PTHLH: variants seen among roughly 807,000 people sequenced by gnomAD.
PTHLH encodes parathyroid hormone like hormone.
In PTHLH, 5 loss-of-function variants were observed where a neutral mutation model predicts 18.6. That is an observed-to-expected ratio of 0.27 (90% CI 0.14 to 0.56). The LOEUF (loss-of-function observed/expected upper bound fraction) is 0.56, where lower values mean the gene tolerates loss of function less well. Among genes scored for constraint, PTHLH ranks in the 20% least tolerant of loss-of-function variants. PTHLH has a pLI of 0.92. For missense variants in PTHLH, 207 were observed against 223.9 expected (o/e 0.92, Z 0.48); for synonymous variants, 90 against 94.0 (o/e 0.96, Z 0.25).
At chr12:27,971,814 C>CA (rs1371987737) in intron 2 of PTHLH, 113 bp downstream of exon 2, 3 of 152,070 alleles carry the variant, frequency 2.0e-5, no homozygotes, top group Non-Finnish European at 4.4e-5. Flanking sequence ...CACACACACA[C>CA]ACTCTCTCTC....
chr12:27,960,434 G>A (rs932136126), intron 5 of PTHLH, among the ~76,000 whole-genome samples: 1 of 152,060 alleles, frequency 6.6e-6, no homozygotes, highest in African/African-American at 2.4e-5. Context: ...CTAAAAGAAT[G>A]CTGTATTATT....
chr12:27,967,879 G>T (rs1357978652), intron 4 of PTHLH, among the ~76,000 whole-genome samples: 2 of 152,212 alleles, frequency 1.3e-5, no homozygotes, highest in African/African-American at 4.8e-5. Context: ...GTATTTTTAT[G>T]CCATAGTTGT....
At chr12:27,969,646 GA>G (rs778706343) in intron 3 of PTHLH, 130 bp from the exon 4 acceptor site, 5 of 883,510 alleles carry the variant, frequency 5.7e-6, no homozygotes, top group Non-Finnish European at 9.4e-6. Flanking sequence ...AAGTTGAAAA[GA>G]AAAAAAATTT....
Position 27,964,120 on chromosome 12 carries a change from C to A in PTHLH, c.102-350G>T, listed in dbSNP as rs369796381. Among the ~76,000 whole-genome samples, 3 of 152,088 alleles carry A rather than the reference C, an allele frequency of 2.0e-5. No homozygotes were observed. The South Asian group carries it at 6.2e-4, about 32-fold the overall frequency. On this transcript the variant is annotated intron_variant, in intron 4 of 5. Coordinates refer to ENST00000545234, the MANE Select transcript of PTHLH (RefSeq NM_198965.2). ...TTAAAACATATGATTCAGTTATGAT[C>A]AGAAATAGACAGAAACCACGGAGTA... is the stretch of plus-strand genomic sequence containing the variant.
intron 3 of PTHLH, 122 bp from the exon 4 acceptor site, chr12:27,969,638 G>A (rs370291902): frequency 8.5e-5 from 79 of 932,398 alleles, no homozygotes; most frequent in Non-Finnish European, 1.4e-4. Context: ...CATCTCCCAA[G>A]TTGAAAAGAA....
Position 27,958,501 on chromosome 12 carries a change from A to C in PTHLH, c.*58T>G. On this transcript the variant is annotated 3_prime_UTR_variant, in exon 6 of 6. Coordinates refer to ENST00000545234, the MANE Select transcript of PTHLH (RefSeq NM_198965.2). ...ACAATAAATATTTCTAATACTTTCC[A>C]TATGTTCACTATTACAGAATCCTGC... The C allele has an allele frequency of 6.8e-7, 1 of 1,470,726 alleles. No individual in the cohort carries two copies. Among genetic ancestry groups the C allele is most frequent in the Non-Finnish European group, 9.2e-7 (1 of 1,081,806 alleles). 91.1% of individuals were successfully genotyped at this position (1,470,726 alleles called of 1,614,324 possible).
intron 3 of PTHLH, 164 bp from the exon 4 acceptor site, chr12:27,969,680 C>T (rs376151156): frequency 1.3e-6 from 1 of 770,282 alleles, no homozygotes; most frequent in Non-Finnish European, 2.4e-6. Flanking sequence ...TCAGCACTTA[C>T]TTATTTAGCA....
chr12:27,960,738 A>G (rs1284509799), intron 5 of PTHLH, among the ~76,000 whole-genome samples: 2 of 149,754 alleles, frequency 1.3e-5, no homozygotes, highest in Non-Finnish European at 1.5e-5. Flanking sequence ...AAAAAAAAAG[A>G]ATATTGTTTT....
chr12:27,970,408 C>G (rs1291193339), intron 2 of PTHLH, 141 bp from the exon 3 acceptor site: 1 of 148,636 alleles, frequency 6.7e-6, no homozygotes, highest in Admixed American at 6.7e-5. Flanking sequence ...CCGCGCCGCC[C>G]GAGCGAGTGG....
chr12:27,970,651 C>T (rs978441807), intron 2 of PTHLH, among the ~76,000 whole-genome samples: 2 of 152,016 alleles, frequency 1.3e-5, no homozygotes, highest in African/African-American at 4.8e-5. Context: ...CGGACTGCCC[C>T]GGGCAGCCGG....
chr12:27,965,734 T>A (rs78019795), intron 4 of PTHLH, among the ~76,000 whole-genome samples: 3,770 of 152,328 alleles, frequency 0.025, 149 homozygotes, highest in African/African-American at 0.086. Flanking sequence ...TAAAATTCAC[T>A]TACTCTGCGG....
chr12:27,966,449 G>C (rs2120651850), intron 4 of PTHLH, among the ~76,000 whole-genome samples: 1 of 152,290 alleles, frequency 6.6e-6, no homozygotes, highest in South Asian at 2.1e-4. Context: ...TCTCTCACTA[G>C]GCAGTTGCAT....
chr12:27,970,823 G>T (rs1200562593), intron 2 of PTHLH, among the ~76,000 whole-genome samples: 1 of 152,208 alleles, frequency 6.6e-6, no homozygotes, highest in East Asian at 1.9e-4. Flanking sequence ...CCCGAAGCTC[G>T]CCTGGCAGCT....
intron 4 of PTHLH, chr12:27,969,159 T>G: frequency 1.8e-6 from 1 of 562,846 alleles, no homozygotes; most frequent in East Asian, 3.0e-5. Context: ...CGCTCCCTCT[T>G]ATGGAAACAC....
intron 5 of PTHLH, among the ~76,000 whole-genome samples, chr12:27,961,289 A>ATATATATACG (rs2062752137): frequency 3.2e-5 from 1 of 31,568 alleles, no homozygotes; most frequent in African/African-American, 1.4e-4. Context: ...ATATATACGT[A>ATATATATACG]TATATATATA....
chr12:27,963,140 T>C (rs2062776169), intron 5 of PTHLH: 1 of 1,450,898 alleles, frequency 6.9e-7, no homozygotes. Flanking sequence ...CGCCTCTCTA[T>C]GGTGCTGGAG....
chr12:27,969,278 C>T, intron 4 of PTHLH, 116 bp downstream of exon 4: 2 of 1,068,344 alleles, frequency 1.9e-6, no homozygotes, highest in Non-Finnish European at 1.4e-6. Flanking sequence ...GGTCCCTCTC[C>T]CTAACCCGGG....
At chr12:27,961,791 G>A (rs1591846926) in intron 5 of PTHLH, 4 of 546,262 alleles carry the variant, frequency 7.3e-6, no homozygotes, top group Non-Finnish European at 1.3e-5. Context: ...ATTTAATGAT[G>A]GGTTTGCCAG....
chr12:27,960,409 C>T (rs1026097953), intron 5 of PTHLH, among the ~76,000 whole-genome samples: 5 of 151,978 alleles, frequency 3.3e-5, no homozygotes, highest in African/African-American at 1.2e-4. Context: ...GACAATTTTA[C>T]CTCAGTTGTT....
Sources: gnomAD v4.1 joint callset for allele counts (sites outside exome capture counted in the v4.1 genomes callset) on GRCh38, gnomAD v4.1.1 for gene constraint, MANE v1.5 for transcripts, NCBI Gene and HGNC (gene_info 2026-07-23, HGNC 2026-07-21) for gene names.